PPFIBP1: variants seen among roughly 807,000 people sequenced by gnomAD.
PPFIBP1 encodes liprin-beta-1.
Under a neutral mutation model 137.8 loss-of-function variants are expected in PPFIBP1, and 112 were observed. The observed-to-expected ratio is 0.81, with a 90% confidence interval of 0.70 to 0.95. PPFIBP1 has a LOEUF of 0.95. Ranked by LOEUF, PPFIBP1 falls within the 40% of genes least tolerant of loss-of-function variation. The pLI is 0.00. For missense variants in PPFIBP1, 1,083 were observed against 1,196.6 expected (o/e 0.91, Z 1.40); for synonymous variants, 378 against 417.3 (o/e 0.91, Z 1.15).
chr12:27,582,054 G>A (rs2051183552), intron 2 of PPFIBP1, among the ~76,000 whole-genome samples: 1 of 151,920 alleles, frequency 6.6e-6, no homozygotes, highest in Admixed American at 6.6e-5. Context: ...AGCCATAGCA[G>A]TCTTTTCATT....
chr12:27,679,488 G>T lies in PPFIBP1; in HGVS notation c.1616-1G>T. ...TTGTCTGCATTCTGCTCTTGGAGTAGCTGAAACAGAAAAAGAGACAGCAGA... is the reference window on the plus strand; with the variant it reads ...TTGTCTGCATTCTGCTCTTGGAGTATCTGAAACAGAAAAAGAGACAGCAGA... On this transcript the variant is annotated splice_acceptor_variant, in intron 19 of 29. Transcript: ENST00000228425. LOFTEE classifies it high-confidence loss of function. 3.7e-6 allele frequency: 6 copies of T among 1,608,408 alleles called. No individual in the cohort carries two copies. Among genetic ancestry groups the T allele is most frequent in the Non-Finnish European group, 5.1e-6 (6 of 1,178,532 alleles).
intron 1 of PPFIBP1, among the ~76,000 whole-genome samples, chr12:27,532,877 GAAGT>G (rs770073516): frequency 6.6e-6 from 1 of 152,152 alleles, no homozygotes; most frequent in Non-Finnish European, 1.5e-5. Flanking sequence ...AAGAAAAGAA[GAAGT>G]AAGGGAACTA....
intron 28 of PPFIBP1, among the ~76,000 whole-genome samples, chr12:27,692,219 T>A (rs1593434434): frequency 6.6e-6 from 1 of 152,206 alleles, no homozygotes; most frequent in South Asian, 2.1e-4. Flanking sequence ...CCCCAACCTG[T>A]CTCTTTGGCT....
At chr12:27,568,705 T>A (rs2049894274) in intron 1 of PPFIBP1, among the ~76,000 whole-genome samples, 2 of 152,218 alleles carry the variant, frequency 1.3e-5, no homozygotes, top group African/African-American at 4.8e-5. Context: ...ATGGCTTTGC[T>A]TCCATGACCT....
chr12:27,601,407 A>G (rs2053970429), intron 2 of PPFIBP1, among the ~76,000 whole-genome samples: 1 of 152,150 alleles, frequency 6.6e-6, no homozygotes, highest in South Asian at 2.1e-4. Context: ...AACAGATACA[A>G]CCTTATCAAG....
At chr12:27,526,256 TGTGCCAAATTCA>T (rs1447655297) in intron 1 of PPFIBP1, among the ~76,000 whole-genome samples, 1 of 152,240 alleles carries the variant, frequency 6.6e-6, no homozygotes, top group Non-Finnish European at 1.5e-5. Context: ...GTTATCCTTA[TGTGCCAAATTCA>T]GATTTACACT....
chr12:27,559,656 T>G (rs941163471), intron 1 of PPFIBP1, among the ~76,000 whole-genome samples: 1 of 152,216 alleles, frequency 6.6e-6, no homozygotes, highest in Non-Finnish European at 1.5e-5. Flanking sequence ...AATAACACAG[T>G]ACCAAAACTC....
intron 2 of PPFIBP1, among the ~76,000 whole-genome samples, chr12:27,597,491 T>C (rs200627944): frequency 6.6e-6 from 1 of 152,252 alleles, no homozygotes; most frequent in East Asian, 1.9e-4. Context: ...CAGCTTTCTC[T>C]TTGGCATAAT....
intron 2 of PPFIBP1, chr12:27,584,276 C>G (rs1398603005): frequency 6.6e-6 from 1 of 152,300 alleles, no homozygotes; most frequent in Non-Finnish European, 1.5e-5. Flanking sequence ...CGCTTCCACA[C>G]TGTGCTTGGA....
chr12:27,597,260 C>T lies in PPFIBP1; in HGVS notation c.-36+19021C>T, dbSNP rs549158893. Among the ~76,000 whole-genome samples, 81 of 152,162 alleles carry T rather than the reference C, an allele frequency of 5.3e-4. 1 individual carries two copies. The highest frequency in any genetic ancestry group is 9.1e-4 in the Non-Finnish European group (62 of 67,988). On this transcript the variant is annotated intron_variant, in intron 2 of 29. Coordinates refer to ENST00000228425, the MANE Select transcript of PPFIBP1 (RefSeq NM_003622.4). ...TCGGCTCACTGCAACCTCCGCCTCC[C>T]GGGTTCAAGCAATTATCCTGCCTCA...
chr12:27,525,610 C>G (rs1028340845), intron 1 of PPFIBP1, among the ~76,000 whole-genome samples: 1 of 151,256 alleles, frequency 6.6e-6, no homozygotes, highest in Non-Finnish European at 1.5e-5. Flanking sequence ...GAGGATCCTA[C>G]TGTTGCCAGG....
At chr12:27,550,989 ATATT>A (rs1565751138) in intron 1 of PPFIBP1, among the ~76,000 whole-genome samples, 2 of 89,892 alleles carry the variant, frequency 2.2e-5, no homozygotes, top group Middle Eastern at 6.8e-3. Flanking sequence ...ATATATATAT[ATATT>A]TTTTTTTTTT....
chr12:27,586,503 A>G (rs2051768894), intron 2 of PPFIBP1, among the ~76,000 whole-genome samples: 3 of 152,102 alleles, frequency 2.0e-5, no homozygotes, highest in Admixed American at 6.6e-5. Context: ...TTCACAACCA[A>G]TCTGGCCAAC....
intron 15 of PPFIBP1, among the ~76,000 whole-genome samples, chr12:27,672,712 T>G (rs552654360): frequency 6.6e-6 from 1 of 152,310 alleles, no homozygotes; most frequent in East Asian, 1.9e-4. Context: ...GCAGATCTCA[T>G]GCCGGGGTTT....
intron 1 of PPFIBP1, among the ~76,000 whole-genome samples, chr12:27,525,580 C>T (rs1257690575): frequency 6.6e-6 from 1 of 151,584 alleles, no homozygotes; most frequent in African/African-American, 2.4e-5. Flanking sequence ...TTTCCTTCAC[C>T]GAAGTTCCTC....
chr12:27,585,955 G>A (rs1264520013), intron 2 of PPFIBP1, among the ~76,000 whole-genome samples: 3 of 152,196 alleles, frequency 2.0e-5, no homozygotes, highest in South Asian at 2.1e-4. Context: ...CTCAGGATCC[G>A]ATTATAGAGA....
In PPFIBP1 at chr12:27,635,014, G is replaced by A; in HGVS notation, c.169G>A (p.Gly57Arg). ...TCTGCACCTTGTGGAAGACCTGCGTGGATTGTTAGAGATGATGGAAACAGA... is the reference window on the plus strand; with the variant it reads ...TCTGCACCTTGTGGAAGACCTGCGTAGATTGTTAGAGATGATGGAAACAGA... ...RALHLVEDLR[G>R]LLEMMETDEK... The change falls in exon 4 of 30, where the codon GGA (glycine) becomes AGA (arginine). Residue 57 changes from glycine to arginine, a missense_variant. By Grantham distance (125) the Gly-to-Arg change is moderately radical. Coordinates refer to ENST00000228425, the MANE Select transcript of PPFIBP1 (RefSeq NM_003622.4). The A allele has an allele frequency of 6.2e-7, 1 of 1,614,104 alleles. No individual in the cohort carries two copies.
chr12:27,670,791 A>ATAATAATAATAATAATAAT (rs1223053194), intron 13 of PPFIBP1, among the ~76,000 whole-genome samples: 1 of 138,766 alleles, frequency 7.2e-6, no homozygotes, highest in Non-Finnish European at 1.5e-5. Flanking sequence ...AAAAAAAAAA[A>ATAATAATAATAATAATAAT]AAAAATAATA....
At chr12:27,679,782 A>T (rs2060772106) in intron 20 of PPFIBP1, 143 bp downstream of exon 20, 1 of 1,363,740 alleles carries the variant, frequency 7.3e-7, no homozygotes, top group Non-Finnish European at 1.0e-6. Context: ...TTATTAACTC[A>T]TTGGGTCTTA....
Sources: allele counts gnomAD v4.1 joint callset (sites outside exome capture counted in the v4.1 genomes callset), GRCh38; gene constraint gnomAD v4.1.1; transcripts MANE v1.5; gene names NCBI Gene and HGNC (gene_info 2026-07-23, HGNC 2026-07-21).